DPP10: variants seen among roughly 807,000 people sequenced by gnomAD.
DPP10 encodes the protein dipeptidyl peptidase like 10, also known as inactive dipeptidyl peptidase 10.
DPP10 carries 33 observed loss-of-function variants against 120.9 expected under a neutral mutation model. That is an observed-to-expected ratio of 0.27 (90% CI 0.21 to 0.37). The LOEUF is 0.37. Among genes scored for constraint, DPP10 ranks in the 10% least tolerant of loss-of-function variants. DPP10 has a pLI of 1.00. For synonymous variants in DPP10, 337 were observed against 326.1 expected, an observed-to-expected ratio of 1.03 and a Z score of -0.36; for missense variants, 816 against 942.8, an observed-to-expected ratio of 0.87 and a Z score of 1.76.
At chr2:115,465,705 C>G (rs1336105846) in intron 3 of DPP10, among the ~76,000 whole-genome samples, 1 of 152,120 alleles carries the variant, frequency 6.6e-6, no homozygotes, top group Non-Finnish European at 1.5e-5. Context: ...TATCTGTAGT[C>G]CAGCTACTCG....
intron 1 of DPP10, among the ~76,000 whole-genome samples, chr2:114,901,797 G>A (rs1212937973): frequency 6.6e-6 from 1 of 152,182 alleles, no homozygotes; most frequent in African/African-American, 2.4e-5. Context: ...AGAACCTTAA[G>A]CTCTTTCTTC....
At chr2:115,685,301 C>G (rs2149485343) in intron 5 of DPP10, among the ~76,000 whole-genome samples, 1 of 151,980 alleles carries the variant, frequency 6.6e-6, no homozygotes, top group East Asian at 1.9e-4. Flanking sequence ...CTGTATAAAT[C>G]ACTTCGACTA....
At chr2:115,812,899 A>C (rs1559188733) in intron 19 of DPP10, among the ~76,000 whole-genome samples, 1 of 150,156 alleles carries the variant, frequency 6.7e-6, no homozygotes, top group Non-Finnish European at 1.5e-5. Context: ...AAGTGCTTAG[A>C]CCACAGAAGG....
chr2:115,244,670 A>T (rs548143439), intron 1 of DPP10, among the ~76,000 whole-genome samples: 1 of 152,020 alleles, frequency 6.6e-6, no homozygotes. Context: ...GACAATGCTG[A>T]ATACATTTTA....
At chr2:115,057,579 A>G (rs1573455780) in intron 1 of DPP10, among the ~76,000 whole-genome samples, 1 of 152,230 alleles carries the variant, frequency 6.6e-6, no homozygotes, top group African/African-American at 2.4e-5. Context: ...TTTTATGGAA[A>G]GGACAGAAGG....
chr2:115,814,851 G>C lies in DPP10; in HGVS notation c.1759G>C (p.Val587Leu), dbSNP rs370150768. 9 of 1,604,626 alleles carry C rather than the reference G, an allele frequency of 5.6e-6. No individual in the cohort carries two copies. Among genetic ancestry groups the C allele is most frequent in the Non-Finnish European group, 7.7e-6 (9 of 1,173,418 alleles). Residue 587 changes from valine (V) to leucine (L), a missense_variant, in exon 20 of 26, where the codon GTA becomes CTA. Transcript: ENST00000410059. ...TDKFHIDWDS[V>L]LIDMDNVIVA... ...TAAGTTCCATATTGACTGGGATTCC[G>C]TACTCATTGACATGGATAATGTCAT... is the stretch of plus-strand genomic sequence containing the variant.
chr2:115,228,359 A>T (rs1312867677), intron 1 of DPP10, among the ~76,000 whole-genome samples: 3 of 152,124 alleles, frequency 2.0e-5, no homozygotes, highest in Non-Finnish European at 4.4e-5. Context: ...TGTGTTACAG[A>T]CTATAAAATT....
intron 1 of DPP10, among the ~76,000 whole-genome samples, chr2:114,915,828 A>G (rs1433951271): frequency 6.6e-6 from 1 of 152,216 alleles, no homozygotes; most frequent in Non-Finnish European, 1.5e-5. Context: ...AATTTCTGGG[A>G]CACAGTTAAA....
At chr2:115,347,648 A>T (rs1199711144) in intron 3 of DPP10, among the ~76,000 whole-genome samples, 1 of 151,772 alleles carries the variant, frequency 6.6e-6, no homozygotes, top group African/African-American at 2.4e-5. Context: ...CTACCCCCTG[A>T]CAGGCCCTGG....
intron 1 of DPP10, among the ~76,000 whole-genome samples, chr2:114,599,488 T>A (rs1372882221): frequency 2.0e-5 from 3 of 151,864 alleles, no homozygotes; most frequent in Non-Finnish European, 1.5e-5. Context: ...TACATACTTG[T>A]TTGTTTCTGG....
chr2:115,528,240 A>T (rs2078250296), intron 5 of DPP10, among the ~76,000 whole-genome samples: 1 of 151,996 alleles, frequency 6.6e-6, no homozygotes, highest in South Asian at 2.1e-4. Flanking sequence ...GGATAGCATT[A>T]GGAGATATAC....
intron 1 of DPP10, among the ~76,000 whole-genome samples, chr2:114,576,507 A>G (rs923771818): frequency 6.6e-6 from 1 of 152,194 alleles, no homozygotes; most frequent in Non-Finnish European, 1.5e-5. Context: ...AAATACCCCT[A>G]TCTCTCTGTC....
chr2:115,607,690 T>C (rs746716077), intron 5 of DPP10, among the ~76,000 whole-genome samples: 12 of 152,196 alleles, frequency 7.9e-5, no homozygotes, highest in Non-Finnish European at 1.5e-4. Context: ...ATCACACTTG[T>C]TTTATTCACT....
chr2:115,430,524 G>A (rs184063361), intron 3 of DPP10, among the ~76,000 whole-genome samples: 1 of 152,162 alleles, frequency 6.6e-6, no homozygotes, highest in African/African-American at 2.4e-5. Flanking sequence ...GTCCGTCAAA[G>A]TATTCAAGTA....
intron 2 of DPP10, among the ~76,000 whole-genome samples, chr2:115,343,583 G>A (rs2063554650): frequency 6.6e-6 from 1 of 151,848 alleles, no homozygotes; most frequent in Admixed American, 6.6e-5. Flanking sequence ...ACGTAACATG[G>A]GATTGCTCTA....
intron 9 of DPP10, among the ~76,000 whole-genome samples, chr2:115,745,164 C>T (rs79665881): frequency 8.0e-5 from 12 of 150,502 alleles, no homozygotes; most frequent in East Asian, 3.9e-4. Context: ...AAACAGAAAG[C>T]GCAATATTCG....
In DPP10 at chr2:114,664,318, G is replaced by GTA. The variant is rs537240296; in HGVS notation, c.60+221483_60+221484dup. Among the ~76,000 whole-genome samples the GTA allele has an allele frequency of 1.9e-3, 283 of 151,888 alleles. 1 individual carries two copies. Among genetic ancestry groups the GTA allele is most frequent in the African/African-American group, 6.6e-3 (273 of 41,424 alleles). ...TCATAACCCTTGGAGAGACTCAAGAGTATAGTTCAGTAGAAAGTCGTCATG... is the reference window on the plus strand; with the variant it reads ...TCATAACCCTTGGAGAGACTCAAGAGTATATAGTTCAGTAGAAAGTCGTCATG... On this transcript the variant is annotated intron_variant, in intron 1 of 25. Coordinates refer to ENST00000410059, the MANE Select transcript of DPP10 (RefSeq NM_020868.6).
chr2:115,451,409 G>T (rs1219675805), intron 3 of DPP10, among the ~76,000 whole-genome samples: 1 of 151,868 alleles, frequency 6.6e-6, no homozygotes, highest in East Asian at 1.9e-4. Context: ...CATCCTCAAA[G>T]ATTTCATGTC....
At chr2:115,595,476 T>C (rs1191834616) in intron 5 of DPP10, among the ~76,000 whole-genome samples, 1 of 152,116 alleles carries the variant, frequency 6.6e-6, no homozygotes, top group East Asian at 1.9e-4. Context: ...TAATTTTCTA[T>C]TAAAGAGCAG....
Sources: gnomAD v4.1 joint callset for allele counts (sites outside exome capture counted in the v4.1 genomes callset) on GRCh38, gnomAD v4.1.1 for gene constraint, MANE v1.5 for transcripts, NCBI Gene and HGNC (gene_info 2026-07-23, HGNC 2026-07-21) for gene names.